The following CAMK4 variants were observed in gnomAD, a reference collection of about 807,000 sequenced individuals.
CAMK4 encodes calcium/calmodulin dependent protein kinase IV.
Under a neutral mutation model 44.9 loss-of-function variants are expected in CAMK4, and 22 were observed. The observed-to-expected ratio is 0.49, with a 90% CI of 0.35 to 0.70. CAMK4 has a LOEUF of 0.70. Ranked by LOEUF, CAMK4 falls within the 30% of genes least tolerant of loss-of-function variation. The probability of loss-of-function intolerance (pLI) is 0.01; values close to 1 mark genes in which losing one functional copy is unlikely to be tolerated. For missense variants in CAMK4, 498 were observed against 586.8 expected (o/e 0.85, Z 1.56); for synonymous variants, 218 against 215.4 (o/e 1.01, Z -0.11).
Position 111,300,736 on chromosome 5 carries a change from T to C in CAMK4, c.162-43288T>C, listed in dbSNP as rs186789419. Among the ~76,000 whole-genome samples, 6 of 152,258 alleles carry C rather than the reference T, an allele frequency of 3.9e-5. No homozygotes were observed. The East Asian group carries it at 1.2e-3, about 29-fold the overall frequency. Reference sequence around the variant, plus strand: ...CTATTTTAAATTGGCTGGAGAGAGATGTTATAAAAAAGTATGGAATTGTAA... The same window carrying C: ...CTATTTTAAATTGGCTGGAGAGAGACGTTATAAAAAAGTATGGAATTGTAA... On this transcript the variant is annotated intron_variant, in intron 1 of 10. Coordinates refer to ENST00000282356, the MANE Select transcript of CAMK4 (RefSeq NM_001744.6).
intron 1 of CAMK4, among the ~76,000 whole-genome samples, chr5:111,250,959 A>G (rs1211701821): frequency 3.3e-5 from 5 of 152,214 alleles, no homozygotes; most frequent in Middle Eastern, 3.4e-3. Flanking sequence ...CCCAGCCATT[A>G]TTTATGTAGT....
intron 2 of CAMK4, among the ~76,000 whole-genome samples, chr5:111,362,168 C>A (rs1386270674): frequency 6.6e-6 from 1 of 151,902 alleles, no homozygotes; most frequent in African/African-American, 2.4e-5. Context: ...AACAATTATC[C>A]CCATTTTACA....
intron 7 of CAMK4, among the ~76,000 whole-genome samples, chr5:111,451,539 C>T (rs957471084): frequency 5.9e-5 from 9 of 152,052 alleles, no homozygotes; most frequent in Non-Finnish European, 1.3e-4. Flanking sequence ...CCTCCAGCCT[C>T]GGCCTCCCAA....
At chr5:111,467,997 A>C (rs1407489993) in intron 7 of CAMK4, among the ~76,000 whole-genome samples, 1 of 151,918 alleles carries the variant, frequency 6.6e-6, no homozygotes, top group Non-Finnish European at 1.5e-5. Flanking sequence ...AGCCATAAAA[A>C]GGAGTGAAAT....
intron 1 of CAMK4, among the ~76,000 whole-genome samples, chr5:111,304,008 G>C (rs1232148131): frequency 1.2e-5 from 1 of 80,950 alleles, no homozygotes; most frequent in East Asian, 4.0e-4. Context: ...CTTCATAAGT[G>C]AAGGAGAAAT....
At position 111,492,135 on chromosome 5, in the gene CAMK4, C is replaced by T. The variant is rs966253251; in HGVS notation, c.*7669C>T. 1 of 152,060 alleles carries T rather than the reference C, an allele frequency of 6.6e-6. No homozygotes were observed. The highest frequency in any genetic ancestry group is 1.5e-5 in the Non-Finnish European group (1 of 68,016). The allele number at this position is 152,060 out of a possible 1,614,324, so 9.4% of individuals were successfully genotyped here. Reference sequence around the variant, plus strand: ...AAATTGTTCATTCCAAAATATCCACCTTAAGGGAAGCTAGTGACCGAGATA... The same window carrying T: ...AAATTGTTCATTCCAAAATATCCACTTTAAGGGAAGCTAGTGACCGAGATA... On this transcript the variant is annotated 3_prime_UTR_variant, in exon 11 of 11. Transcript: ENST00000282356.
At chr5:111,273,760 CACACACACATATAT>C (rs1750641745) in intron 1 of CAMK4, among the ~76,000 whole-genome samples, 1 of 141,670 alleles carries the variant, frequency 7.1e-6, no homozygotes, top group Non-Finnish European at 1.5e-5. Flanking sequence ...CACACACATA[CACACACACATATAT>C]ACACACACAT....
chr5:111,374,080 C>T (rs1405782216), intron 2 of CAMK4, among the ~76,000 whole-genome samples: 1 of 152,068 alleles, frequency 6.6e-6, no homozygotes, highest in Non-Finnish European at 1.5e-5. Context: ...CTCTGGATAA[C>T]TTAAACAGAA....
At chr5:111,479,117 G>A (rs1018703530) in intron 9 of CAMK4, among the ~76,000 whole-genome samples, 15 of 152,094 alleles carry the variant, frequency 9.9e-5, no homozygotes, top group African/African-American at 3.1e-4. Flanking sequence ...GCCCTCAGGC[G>A]ATCCTCCCAC....
chr5:111,303,695 C>T (rs1029547351), intron 1 of CAMK4, among the ~76,000 whole-genome samples: 8 of 147,188 alleles, frequency 5.4e-5, no homozygotes, highest in Non-Finnish European at 7.4e-5. Flanking sequence ...AGGAGAACTT[C>T]CCCAATCTAG....
At chr5:111,429,485 G>A (rs1378825311) in intron 5 of CAMK4, among the ~76,000 whole-genome samples, 1 of 151,990 alleles carries the variant, frequency 6.6e-6, no homozygotes, top group Non-Finnish European at 1.5e-5. Flanking sequence ...TCGAAGCCAT[G>A]GCCAGGTGGA....
intron 1 of CAMK4, among the ~76,000 whole-genome samples, chr5:111,227,235 G>A (rs1748234469): frequency 6.6e-6 from 1 of 152,176 alleles, no homozygotes; most frequent in Non-Finnish European, 1.5e-5. Context: ...GCAACAGAAT[G>A]ATGATCGTAG....
intron 2 of CAMK4, among the ~76,000 whole-genome samples, chr5:111,344,571 G>T (rs948163388): frequency 5.9e-5 from 9 of 151,774 alleles, no homozygotes; most frequent in African/African-American, 2.2e-4. Flanking sequence ...ATTCTAATTT[G>T]CCTTAATTTT....
chr5:111,395,668 A>G (rs1341920160), intron 5 of CAMK4, among the ~76,000 whole-genome samples: 1 of 152,202 alleles, frequency 6.6e-6, no homozygotes, highest in East Asian at 1.9e-4. Flanking sequence ...ACACATTTAC[A>G]AAAATATATA....
intron 7 of CAMK4, among the ~76,000 whole-genome samples, chr5:111,464,256 A>C (rs1754746201): frequency 6.6e-6 from 1 of 152,070 alleles, no homozygotes; most frequent in Non-Finnish European, 1.5e-5. Flanking sequence ...TCGAAGACAA[A>C]GTTTTTGGAT....
intron 1 of CAMK4, among the ~76,000 whole-genome samples, chr5:111,279,624 T>C (rs916341119): frequency 2.6e-5 from 4 of 152,202 alleles, no homozygotes; most frequent in Non-Finnish European, 5.9e-5. Context: ...GCTAATTTAT[T>C]TCTTATCTTT....
chr5:111,394,735 G>A lies in CAMK4; in HGVS notation c.412G>A (p.Glu138Lys). Residue 138 changes from glutamate (E) to lysine (K), a missense_variant, in exon 5 of 11, where the codon GAG becomes AAG. Physicochemically the swap from Glu to Lys is moderately conservative, Grantham distance 56. Around this residue, in one of 3 missense-constraint regions of CAMK4, gnomAD observed 203 missense variants for 298.2 expected, o/e 0.68. Coordinates refer to ENST00000282356, the MANE Select transcript of CAMK4 (RefSeq NM_001744.6). ...DRIVEKGYYSERDAADAVKQI... is the reference protein window; with the variant it reads ...DRIVEKGYYSKRDAADAVKQI... Reference sequence around the variant, plus strand: ...GATTGTGGAAAAGGGATATTACAGTGAGCGAGATGCTGCAGATGCCGTTAA... The same window carrying A: ...GATTGTGGAAAAGGGATATTACAGTAAGCGAGATGCTGCAGATGCCGTTAA... The A allele has an allele frequency of 1.2e-6, 2 of 1,612,956 alleles. No homozygotes were observed. Among genetic ancestry groups the A allele is most frequent in the Non-Finnish European group, 1.7e-6 (2 of 1,179,222 alleles).
chr5:111,359,045 C>T (rs150779969), intron 2 of CAMK4, among the ~76,000 whole-genome samples: 2,627 of 152,164 alleles, frequency 0.017, 73 homozygotes, highest in African/African-American at 0.059. Context: ...CATATGTGTG[C>T]ATGTATCTTT....
intron 4 of CAMK4, among the ~76,000 whole-genome samples, chr5:111,378,324 C>G (rs1751290654): frequency 6.6e-6 from 1 of 152,112 alleles, no homozygotes; most frequent in Non-Finnish European, 1.5e-5. Context: ...GTATAAGACA[C>G]ACAGGTTATG....
Sources: gnomAD v4.1 joint callset for allele counts (sites outside exome capture counted in the v4.1 genomes callset) on GRCh38, gnomAD v4.1.1 for gene constraint, gnomAD v4.1.1 regional missense constraint, MANE v1.5 for transcripts, NCBI Gene and HGNC (gene_info 2026-07-23, HGNC 2026-07-21) for gene names.